Variants in ERI3 observed in about 807,000 individuals in gnomAD.
ERI3 encodes ERI1 exoribonuclease 3.
In ERI3, 18 loss-of-function variants were observed where a neutral mutation model predicts 44.4. That is an observed-to-expected ratio of 0.41 (90% CI 0.28 to 0.60). The LOEUF (loss-of-function observed/expected upper bound fraction) is 0.60. Among genes scored for constraint, ERI3 ranks in the 20% least tolerant of loss-of-function variants. The pLI is 0.36. For missense variants in ERI3, 294 were observed against 435.5 expected (o/e 0.68, Z 2.89); for synonymous variants, 183 against 164.8 (o/e 1.11, Z -0.84).
intron 3 of ERI3, among the ~76,000 whole-genome samples, chr1:44,336,294 T>C (rs1020892045): frequency 6.6e-6 from 1 of 152,154 alleles, no homozygotes; most frequent in Admixed American, 6.5e-5. Context: ...CTGAATCCCA[T>C]CAGGATCCTG....
intron 6 of ERI3, among the ~76,000 whole-genome samples, chr1:44,305,033 ATCTGATTATCCTACCC>A (rs1645804643): frequency 6.6e-6 from 1 of 152,116 alleles, no homozygotes; most frequent in Non-Finnish European, 1.5e-5. Flanking sequence ...AGAGAACAGC[ATCTGATTATCCTACCC>A]TCTCCAAAGG....
At chr1:44,307,227 G>A (rs573717596) in intron 6 of ERI3, among the ~76,000 whole-genome samples, 5 of 152,150 alleles carry the variant, frequency 3.3e-5, no homozygotes, top group African/African-American at 1.2e-4. Flanking sequence ...CTAGAAAGTT[G>A]GGGTCCAATA....
intron 3 of ERI3, among the ~76,000 whole-genome samples, chr1:44,336,856 T>C (rs140839619): frequency 1.4e-3 from 219 of 152,368 alleles, no homozygotes; most frequent in African/African-American, 4.9e-3. Context: ...TCAGGGTTCA[T>C]TGATTCTGGA....
chr1:44,352,221 C>A (rs558257314), intron 2 of ERI3, among the ~76,000 whole-genome samples: 1 of 152,266 alleles, frequency 6.6e-6, no homozygotes, highest in African/African-American at 2.4e-5. Context: ...GAACTAACCA[C>A]CCACCAAAAG....
chr1:44,223,660 A>C (rs1311010750), intron 8 of ERI3, among the ~76,000 whole-genome samples: 4 of 152,160 alleles, frequency 2.6e-5, no homozygotes, highest in African/African-American at 9.7e-5. Context: ...TTGCTGGACA[A>C]ATCGTTCAAT....
chr1:44,298,693 C>G (rs879700164), intron 6 of ERI3, among the ~76,000 whole-genome samples: 1 of 152,048 alleles, frequency 6.6e-6, no homozygotes, highest in African/African-American at 2.4e-5. Context: ...GGCAGGCAGA[C>G]TGCTTGAGCT....
chr1:44,268,045 C>G (rs146677329), intron 7 of ERI3, among the ~76,000 whole-genome samples: 4 of 152,310 alleles, frequency 2.6e-5, no homozygotes, highest in Non-Finnish European at 5.9e-5. Context: ...GATCCTCTGT[C>G]TCTTGTAAAT....
intron 7 of ERI3, among the ~76,000 whole-genome samples, chr1:44,265,843 A>G (rs1325732661): frequency 6.6e-6 from 1 of 152,214 alleles, no homozygotes; most frequent in Non-Finnish European, 1.5e-5. Flanking sequence ...AGAGATGGAA[A>G]GTAGATGAGT....
chr1:44,289,967 G>A (rs749994832), intron 6 of ERI3, among the ~76,000 whole-genome samples: 34 of 152,246 alleles, frequency 2.2e-4, no homozygotes, highest in Non-Finnish European at 3.8e-4. Context: ...TGGAAAAGGC[G>A]ATGGACACTC....
intron 3 of ERI3, chr1:44,322,825 T>A: frequency 1.3e-6 from 2 of 1,550,136 alleles, no homozygotes; most frequent in Non-Finnish European, 1.7e-6. Context: ...CTGCACCAAG[T>A]TGGCACAACT....
chr1:44,229,674 G>A (rs923858183), intron 8 of ERI3, among the ~76,000 whole-genome samples: 4 of 152,306 alleles, frequency 2.6e-5, no homozygotes, highest in African/African-American at 4.8e-5. Context: ...TTGTGGGCCC[G>A]CCCTAATGCT....
At chr1:44,290,336 G>C (rs1040160430) in intron 6 of ERI3, among the ~76,000 whole-genome samples, 6 of 152,246 alleles carry the variant, frequency 3.9e-5, no homozygotes, top group African/African-American at 1.4e-4. Flanking sequence ...TTGGAGAGAA[G>C]TGGGCCAGTA....
intron 3 of ERI3, among the ~76,000 whole-genome samples, chr1:44,333,595 C>A (rs1376248415): frequency 6.6e-6 from 1 of 152,176 alleles, no homozygotes; most frequent in Admixed American, 6.5e-5. Flanking sequence ...TTGGGCAGGG[C>A]GGGGAGGCAG....
intron 6 of ERI3, among the ~76,000 whole-genome samples, chr1:44,295,067 A>G (rs973358610): frequency 6.6e-6 from 1 of 152,136 alleles, no homozygotes; most frequent in Non-Finnish European, 1.5e-5. Flanking sequence ...AGGTATAAGC[A>G]CTTGTCCTAT....
chr1:44,242,799 G>A (rs1485345922), intron 8 of ERI3, among the ~76,000 whole-genome samples: 1 of 152,176 alleles, frequency 6.6e-6, no homozygotes, highest in African/African-American at 2.4e-5. Flanking sequence ...TGGGCCCGAG[G>A]TCTTCAGAGG....
intron 7 of ERI3, among the ~76,000 whole-genome samples, chr1:44,272,738 G>A (rs1645110890): frequency 1.3e-5 from 2 of 151,904 alleles, no homozygotes; most frequent in Non-Finnish European, 2.9e-5. Context: ...CTACTCTGGC[G>A]GCTGAGCATG....
At chr1:44,289,223 G>T (rs1453459385) in intron 6 of ERI3, among the ~76,000 whole-genome samples, 1 of 152,156 alleles carries the variant, frequency 6.6e-6, no homozygotes, top group African/African-American at 2.4e-5. Flanking sequence ...ACTTCCTTCA[G>T]CTTCATGAAT....
At chr1:44,329,274 C>A (rs775106742) in intron 3 of ERI3, among the ~76,000 whole-genome samples, 2 of 152,206 alleles carry the variant, frequency 1.3e-5, no homozygotes, top group Non-Finnish European at 2.9e-5. Context: ...AGCAGGATCA[C>A]AGAATTCCTG....
intron 3 of ERI3, among the ~76,000 whole-genome samples, chr1:44,328,805 C>T (rs1252160131): frequency 6.6e-6 from 1 of 152,094 alleles, no homozygotes; most frequent in African/African-American, 2.4e-5. Context: ...CTCTCAGCTC[C>T]CTTCTCAGAG....
Sources: gnomAD v4.1 joint callset for allele counts (sites outside exome capture counted in the v4.1 genomes callset) on GRCh38, gnomAD v4.1.1 for gene constraint, MANE v1.5 for transcripts, NCBI Gene and HGNC (gene_info 2026-07-23, HGNC 2026-07-21) for gene names.